Variants in KIF1A observed in about 807,000 individuals in gnomAD.
The protein encoded by KIF1A is kinesin-like protein KIF1A.
In KIF1A, 46 loss-of-function variants were observed where a neutral mutation model predicts 227.3. That is an observed-to-expected ratio of 0.20 (90% CI 0.16 to 0.26). The LOEUF (loss-of-function observed/expected upper bound fraction) is 0.26, where lower values mean the gene tolerates loss of function less well. Among genes scored for constraint, KIF1A ranks in the 10% least tolerant of loss-of-function variants. KIF1A has a pLI of 1.00. For missense variants in KIF1A, 1,683 were observed against 2,485.9 expected (o/e 0.68, Z 6.87); for synonymous variants, 1,022 against 1,012.8 (o/e 1.01, Z -0.17).
chr2:240,720,151 A>G, intron 45 of KIF1A: 1 of 435,056 alleles, frequency 2.3e-6, no homozygotes, highest in Non-Finnish European at 4.0e-6. Flanking sequence ...AGGGTCCCCC[A>G]GGAACCTCGG....
In KIF1A at chr2:240,790,894, G is replaced by A. The variant is rs572128686; in HGVS notation, c.107-1582C>T. ...TCAGACTTCTGGCCTCCAGAATCAC[G>A]AGACAGCACACTTCTGTTTGCGGTG... On this transcript the variant is annotated intron_variant, in intron 2 of 48. Transcript: ENST00000498729. This position sits in a 1 kb window ranked among gnomAD's most constrained non-coding sequence, Gnocchi z 5.0. Among the ~76,000 whole-genome samples, 52 of 152,220 alleles carry A rather than the reference G, an allele frequency of 3.4e-4. No homozygotes were observed. The highest frequency in any genetic ancestry group is 2.2e-3 in the Admixed American group (33 of 15,298).
intron 8 of KIF1A, 43 bp from the exon 9 acceptor site, chr2:240,783,152 G>A (rs780086015): frequency 2.1e-5 from 31 of 1,488,006 alleles, no homozygotes; most frequent in South Asian, 1.5e-4. Context: ...CTGGGGACCC[G>A]TGGGGCCTCC....
In KIF1A at chr2:240,766,364, C is replaced by A. The variant is rs913703415; in HGVS notation, c.1684+551G>T. ...CATCCCCAAGTTGGGCAGCACCAGG[C>A]AATGGGGACAGCCCCACGTCATCTC... On this transcript the variant is annotated intron_variant, in intron 19 of 48. Transcript: ENST00000498729. This position sits in a 1 kb window ranked among gnomAD's most constrained non-coding sequence, Gnocchi z 5.0. 6.6e-6 allele frequency among the ~76,000 whole-genome samples: 1 copy of A among 152,220 alleles called. No individual in the cohort carries two copies. The highest frequency in any genetic ancestry group is 1.5e-5 in the Non-Finnish European group (1 of 68,032).
In KIF1A at chr2:240,740,049, C is replaced by G. The variant is rs141647310; in HGVS notation, c.3901+9G>C. ...CCACCCACCAAGGCAGCCCCCACAC[C>G]GCACTCACCCACGACCAGCTCGCGC... On this transcript the variant is annotated intron_variant, in intron 37 of 48. Coordinates refer to ENST00000498729, the MANE Select transcript of KIF1A (RefSeq NM_001244008.2). The surrounding 1 kb of genome is among the most constrained non-coding windows in gnomAD (Gnocchi z 6.1). 6.4e-6 allele frequency: 10 copies of G among 1,573,588 alleles called. No individual in the cohort carries two copies. In the Admixed American group the frequency reaches 1.8e-4, roughly 29 times the overall value.
intron 27 of KIF1A, among the ~76,000 whole-genome samples, chr2:240,753,693 C>T (rs2049487815): frequency 6.6e-6 from 1 of 152,200 alleles, no homozygotes; most frequent in South Asian, 2.1e-4. Flanking sequence ...CGCCAGGGCA[C>T]GTCCTAATAA....
chr2:240,789,621 C>T lies in KIF1A; in HGVS notation c.107-309G>A, dbSNP rs1280798986. Among the ~76,000 whole-genome samples, 1 of 152,206 alleles carries T rather than the reference C, an allele frequency of 6.6e-6. No homozygotes were observed. Among genetic ancestry groups the T allele is most frequent in the African/African-American group, 2.4e-5 (1 of 41,454 alleles). On this transcript the variant is annotated intron_variant, in intron 2 of 48. Coordinates refer to ENST00000498729, the MANE Select transcript of KIF1A (RefSeq NM_001244008.2). This position sits in a 1 kb window ranked among gnomAD's most constrained non-coding sequence, Gnocchi z 4.8. ...GCAGCCACCCGGGGAGGATCCTTCC[C>T]ACCTGCAAGCTGCGGCCCCTCCATC...
At chr2:240,742,243 C>T (rs774193166) in intron 34 of KIF1A, among the ~76,000 whole-genome samples, 8 of 152,206 alleles carry the variant, frequency 5.3e-5, no homozygotes, top group African/African-American at 1.7e-4. Context: ...CCTCCACCCA[C>T]CAGCTGCAGA....
rs367883171 is a variant in KIF1A, at chr2:240,737,064, G to T, written c.4006C>A (p.Arg1336=). Residue 1336 remains arginine, a splice_region_variant and synonymous_variant, in exon 38 of 49, where the codon CGG becomes AGG. Transcript: ENST00000498729. Reference sequence around the variant, plus strand: ...GTCTCCAGGGAGTCTCCGACTCACCGGTCATCTTGGGCTGGGTGGATGTAT... The same window carrying T: ...GTCTCCAGGGAGTCTCCGACTCACCTGTCATCTTGGGCTGGGTGGATGTAT... ...SGYIHPAQDD[R]TFYQFEAAWD... is the part of the protein sequence containing the mutation. 1.2e-6 allele frequency: 2 copies of T among 1,610,360 alleles called. No individual in the cohort carries two copies. The highest frequency in any genetic ancestry group is 1.7e-6 in the Non-Finnish European group (2 of 1,176,904).
At position 240,786,478 on chromosome 2, in the gene KIF1A, A is replaced by C; in HGVS notation, c.465T>G (p.Arg155=). ...SYMEIYCERV[R]DLLNPKNKGN... ...CCTTGTTCTTGGGGTTCAGGAGGTC[A>C]CGGACGCGCTCACAGTAAATCTCCA... The change falls in exon 6 of 49, where the codon CGT becomes CGG. Residue 155 remains arginine, a synonymous_variant. Coordinates refer to ENST00000498729, the MANE Select transcript of KIF1A (RefSeq NM_001244008.2). 6.2e-7 allele frequency: 1 copy of C among 1,613,534 alleles called. No homozygotes were observed. Among genetic ancestry groups the C allele is most frequent in the South Asian group, 1.1e-5 (1 of 91,088 alleles).
intron 10 of KIF1A, among the ~76,000 whole-genome samples, chr2:240,780,615 C>T (rs566137461): frequency 6.6e-6 from 1 of 152,056 alleles, no homozygotes; most frequent in Non-Finnish European, 1.5e-5. Flanking sequence ...GCACCACGCA[C>T]AGCTCATGTT....
chr2:240,721,115 T>A, intron 44 of KIF1A, 77 bp from the exon 45 acceptor site: 2 of 1,560,224 alleles, frequency 1.3e-6, no homozygotes, highest in South Asian at 2.3e-5. Context: ...TCCCTGTGCC[T>A]GCGCTTACCC....
chr2:240,793,069 C>T lies in KIF1A; in HGVS notation c.107-3757G>A, dbSNP rs972435855. 7.7e-4 allele frequency among the ~76,000 whole-genome samples: 118 copies of T among 152,328 alleles called. 1 individual carries two copies. Among genetic ancestry groups the T allele is most frequent in the African/African-American group, 2.8e-3 (115 of 41,576 alleles). On this transcript the variant is annotated intron_variant, in intron 2 of 48. Transcript: ENST00000498729. This position sits in a 1 kb window ranked among gnomAD's most constrained non-coding sequence, Gnocchi z 4.8. ...CATTTGAAGCCATTCAGCATGTAGC[C>T]CTCTGTAACAGCAGCCCCAGGGACC... is the stretch of plus-strand genomic sequence containing the variant.
rs760473871 is a variant in KIF1A at position 240,723,536 on chromosome 2, T to G, written c.4341A>C (p.Arg1447=). The change falls in exon 42 of 49, where the codon CGA becomes CGC. Residue 1447 remains arginine, a synonymous_variant. Coordinates refer to ENST00000498729, the MANE Select transcript of KIF1A (RefSeq NM_001244008.2). ...GSPGMQRRRR[R]VLDTSVAYVR... ...CATAGGCCACAGATGTGTCCAGGAC[T>G]CGTCGGCGCCGGCGCTGCATCCCTG... The G allele has an allele frequency of 4.5e-6, 7 of 1,540,568 alleles. No homozygotes were observed. The highest frequency in any genetic ancestry group is 5.3e-6 in the Non-Finnish European group (6 of 1,139,148).
Position 240,723,637 on chromosome 2 carries a change from TGTGAAGCTGTCTCCCCTCTGGA to T in KIF1A, c.4319-101_4319-80del, listed in dbSNP as rs2045663084. 8 of 1,436,944 alleles carry T rather than the reference TGTGAAGCTGTCTCCCCTCTGGA, an allele frequency of 5.6e-6. No individual in the cohort carries two copies. In the South Asian group the frequency reaches 8.5e-5, roughly 15 times the overall value. 89.0% of individuals were successfully genotyped at this position (1,436,944 alleles called of 1,614,324 possible). The stretch of plus-strand genomic sequence containing the variant: ...CACCCATCCTAGAGGTCCGCCCATC[TGTGAAGCTGTCTCCCCTCTGGA>T]GTGGAGATGGGCTTCCCCTGGTCCT... On this transcript the variant is annotated intron_variant, in intron 41 of 48. Transcript: ENST00000498729.
chr2:240,729,806 C>T (rs909415237), intron 38 of KIF1A, among the ~76,000 whole-genome samples: 8 of 152,186 alleles, frequency 5.3e-5, no homozygotes, highest in Admixed American at 6.5e-5. Context: ...TGGGAGGGAG[C>T]CTTACAGGAC....
intron 25 of KIF1A, 88 bp downstream of exon 25, chr2:240,760,577 T>C: frequency 9.4e-7 from 1 of 1,065,394 alleles, no homozygotes; most frequent in East Asian, 3.1e-5. Flanking sequence ...GTACTCGCTG[T>C]GAAGCCTGTG....
chr2:240,794,049 C>T (rs986142316), intron 2 of KIF1A, among the ~76,000 whole-genome samples: 1 of 152,188 alleles, frequency 6.6e-6, no homozygotes, highest in African/African-American at 2.4e-5. Flanking sequence ...GACATCCACC[C>T]GCACCCTCTC....
intron 38 of KIF1A, among the ~76,000 whole-genome samples, chr2:240,733,611 C>T (rs975661804): frequency 4.6e-5 from 7 of 152,226 alleles, no homozygotes; most frequent in Middle Eastern, 6.3e-3. Context: ...CTCCTGGCCA[C>T]AGTCCCTCTG....
In KIF1A at chr2:240,740,278, G is replaced by A. The variant is rs376501987; in HGVS notation, c.3816+20C>T. ...TGGGGGAGGGGACACAGGCAGGGTA[G>A]GGGCAAGAGGGGCTCACACCTGGTG... On this transcript the variant is annotated intron_variant, in intron 36 of 48. Transcript: ENST00000498729. This position sits in a 1 kb window ranked among gnomAD's most constrained non-coding sequence, Gnocchi z 6.1. 1.6e-5 allele frequency: 26 copies of A among 1,609,136 alleles called. No homozygotes were observed. Among genetic ancestry groups the A allele is most frequent in the African/African-American group, 5.3e-5 (4 of 74,786 alleles).
Sources: allele counts gnomAD v4.1 joint callset (sites outside exome capture counted in the v4.1 genomes callset), GRCh38; gene constraint gnomAD v4.1.1; non-coding constraint Gnocchi (gnomAD v3.1); transcripts MANE v1.5; gene names NCBI Gene and HGNC (gene_info 2026-07-23, HGNC 2026-07-21).